The following YY1 variants were observed in gnomAD, a reference collection of about 807,000 sequenced individuals.
YY1 encodes the protein YY1 transcription factor.
YY1 carries 2 observed loss-of-function variants against 35.6 expected under a neutral mutation model. That is an observed-to-expected ratio of 0.06 (90% CI 0.02 to 0.18). The LOEUF (loss-of-function observed/expected upper bound fraction) is 0.18. Ranked by LOEUF, YY1 falls within the 10% of genes least tolerant of loss-of-function variation. The pLI is 1.00. For synonymous variants in YY1, 268 were observed against 238.9 expected (o/e 1.12, Z -1.12); for missense variants, 322 against 573.4 (o/e 0.56, Z 4.48).
chr14:100,282,019 G>C lies in YY1; in HGVS notation c.*4419G>C, dbSNP rs1252077982. On this transcript the variant is annotated 3_prime_UTR_variant, in exon 5 of 5. Transcript: ENST00000262238. ...TGACACGTTATCACCCAGTCCCCTT[G>C]TAAAATCTGGAATGGAGCGTTTAAG... The C allele has an allele frequency of 1.3e-5, 2 of 152,312 alleles. No individual in the cohort carries two copies. The highest frequency in any genetic ancestry group is 3.9e-4 in the East Asian group (2 of 5,180). 9.4% of individuals were successfully genotyped at this position (152,312 alleles called of 1,614,324 possible).
Position 100,239,613 on chromosome 14 carries a change from C to T in YY1, c.369C>T (p.Ala123=), listed in dbSNP as rs199795060. Residue 123 remains alanine, a synonymous_variant, in exon 1 of 5, where the codon GCC becomes GCT. Transcript: ENST00000262238. ...GCGACGACTCGGACGGGCTGCGCGC[C>T]GAGGACGGCTTCGAGGATCAGATTC... ...VGGDDSDGLR[A]EDGFEDQILI... 134 of 1,611,880 alleles carry T rather than the reference C, an allele frequency of 8.3e-5. No individual in the cohort carries two copies. Among genetic ancestry groups the T allele is most frequent in the Non-Finnish European group, 1.1e-4 (133 of 1,179,626 alleles).
Position 100,274,864 on chromosome 14 carries a change from A to C in YY1, c.903+106A>C, listed in dbSNP as rs1891297226. 2.7e-6 allele frequency: 3 copies of C among 1,117,702 alleles called. No individual in the cohort carries two copies. In the African/African-American group the frequency reaches 4.7e-5, roughly 17 times the overall value. 69.2% of individuals were successfully genotyped at this position (1,117,702 alleles called of 1,614,324 possible). The stretch of plus-strand genomic sequence containing the variant: ...CTGCTTGTGATAATTTAAATGAAGC[A>C]AGGAATTAGAATCTTCGGTTTCTAA... On this transcript the variant is annotated intron_variant, in intron 3 of 4. Coordinates refer to ENST00000262238, the MANE Select transcript of YY1 (RefSeq NM_003403.5).
chr14:100,246,084 G>C (rs892217944), intron 1 of YY1, among the ~76,000 whole-genome samples: 22 of 152,314 alleles, frequency 1.4e-4, no homozygotes, highest in African/African-American at 5.1e-4. Context: ...CTCTAAGGCT[G>C]TTGATATTTT....
intron 1 of YY1, among the ~76,000 whole-genome samples, chr14:100,256,393 T>C (rs1031642233): frequency 3.9e-5 from 6 of 152,202 alleles, no homozygotes; most frequent in African/African-American, 1.4e-4. Context: ...GAAACTCAGG[T>C]GGCATACTTG....
At chr14:100,257,252 T>C (rs990432411) in intron 1 of YY1, among the ~76,000 whole-genome samples, 4 of 152,230 alleles carry the variant, frequency 2.6e-5, no homozygotes, top group African/African-American at 9.6e-5. Flanking sequence ...CTCACTAGAC[T>C]GTAAGTTCCT....
chr14:100,259,320 A>G (rs1439933588), intron 1 of YY1, among the ~76,000 whole-genome samples: 2 of 152,166 alleles, frequency 1.3e-5, no homozygotes, highest in African/African-American at 4.8e-5. Flanking sequence ...AGAGATCGAG[A>G]CCATCCTGGC....
At position 100,276,928 on chromosome 14, in the gene YY1, T is replaced by C. The variant is rs973236999; in HGVS notation, c.1062+280T>C. The stretch of plus-strand genomic sequence containing the variant: ...CAGGATTGAAGAGCATACCTAAAAC[T>C]CAATTTCTACTTCATTCATTACAGG... On this transcript the variant is annotated intron_variant, in intron 4 of 4. Transcript: ENST00000262238. This position sits in a 1 kb window ranked among gnomAD's most constrained non-coding sequence, Gnocchi z 4.1. The C allele has an allele frequency of 2.0e-6, 1 of 497,382 alleles. No individual in the cohort carries two copies. Among genetic ancestry groups the C allele is most frequent in the Non-Finnish European group, 3.6e-6 (1 of 275,326 alleles). The allele number at this position is 497,382 out of a possible 1,614,324, so 30.8% of individuals were successfully genotyped here. A position where few individuals can be genotyped will look rare whatever the true frequency, so the allele number is the denominator to read the frequency against.
At position 100,280,210 on chromosome 14, in the gene YY1, A is replaced by T. The variant is rs1891394466; in HGVS notation, c.*2610A>T. ...CCCATTCTGCTTGTGGTTAGAATTTATAATTTTGCTAACGATGTAATTTAC... is the reference window on the plus strand; with the variant it reads ...CCCATTCTGCTTGTGGTTAGAATTTTTAATTTTGCTAACGATGTAATTTAC... On this transcript the variant is annotated 3_prime_UTR_variant, in exon 5 of 5. Coordinates refer to ENST00000262238, the MANE Select transcript of YY1 (RefSeq NM_003403.5). The T allele has an allele frequency of 6.6e-6, 1 of 152,362 alleles. No individual in the cohort carries two copies. Among genetic ancestry groups the T allele is most frequent in the South Asian group, 2.1e-4 (1 of 4,828 alleles). The allele number at this position is 152,362 out of a possible 1,614,324, so 9.4% of individuals were successfully genotyped here.
chr14:100,273,868 G>T (rs186019832), intron 2 of YY1, among the ~76,000 whole-genome samples: 4 of 152,284 alleles, frequency 2.6e-5, no homozygotes, highest in Admixed American at 2.6e-4. Context: ...GCTTGATTCA[G>T]TGGAGAAGCA....
At chr14:100,260,758 A>ACCGTG (rs1891073376) in intron 1 of YY1, among the ~76,000 whole-genome samples, 1 of 126,626 alleles carries the variant, frequency 7.9e-6, no homozygotes. Flanking sequence ...GGTGTGAGCC[A>ACCGTG]CCGTGCCTGG....
intron 1 of YY1, among the ~76,000 whole-genome samples, chr14:100,251,012 G>T (rs1334734745): frequency 2.0e-5 from 3 of 152,090 alleles, no homozygotes; most frequent in South Asian, 4.1e-4. Context: ...GAGAGAGAGA[G>T]AAATAATATA....
chr14:100,266,173 C>A (rs1290992205), intron 2 of YY1, among the ~76,000 whole-genome samples: 2 of 152,166 alleles, frequency 1.3e-5, no homozygotes, highest in South Asian at 4.2e-4. Context: ...GTTACCTCCC[C>A]CCGGGTCCCA....
At chr14:100,242,765 T>A (rs1444142992) in intron 1 of YY1, among the ~76,000 whole-genome samples, 1 of 151,746 alleles carries the variant, frequency 6.6e-6, no homozygotes, top group African/African-American at 2.4e-5. Context: ...TTTTTTTAAT[T>A]TGAGACAGAG....
chr14:100,257,687 G>T (rs1891023722), intron 1 of YY1, among the ~76,000 whole-genome samples: 1 of 152,182 alleles, frequency 6.6e-6, no homozygotes. Context: ...ACACCACCAT[G>T]CTGGCACCTT....
At chr14:100,249,062 A>G (rs573162583) in intron 1 of YY1, among the ~76,000 whole-genome samples, 1 of 149,110 alleles carries the variant, frequency 6.7e-6, no homozygotes, top group Admixed American at 6.7e-5. Flanking sequence ...CATTAAAACA[A>G]TATAAATGGT....
intron 2 of YY1, among the ~76,000 whole-genome samples, chr14:100,265,955 CTT>C (rs1231702334): frequency 3.3e-5 from 5 of 152,086 alleles, no homozygotes; most frequent in Non-Finnish European, 7.4e-5. Context: ...CCTTTTGAAA[CTT>C]TAAATTACAA....
chr14:100,258,882 C>G (rs927626998), intron 1 of YY1, among the ~76,000 whole-genome samples: 1 of 152,240 alleles, frequency 6.6e-6, no homozygotes, highest in African/African-American at 2.4e-5. Flanking sequence ...ATAATGACCA[C>G]TTGAATCAAA....
rs542654565 is a variant in YY1, at chr14:100,282,336, G to T, written c.*4736G>T. The T allele has an allele frequency of 6.6e-6, 1 of 151,996 alleles. No individual in the cohort carries two copies. Among genetic ancestry groups the T allele is most frequent in the Non-Finnish European group, 1.5e-5 (1 of 68,014 alleles). 9.4% of individuals were successfully genotyped at this position (151,996 alleles called of 1,614,324 possible). On this transcript the variant is annotated 3_prime_UTR_variant, in exon 5 of 5. Transcript: ENST00000262238. ...AGCACTGGGATGTGTTGAGGAGGGG[G>T]CAGTTTGCTGTGCTCTGTTCTGTCT...
intron 1 of YY1, among the ~76,000 whole-genome samples, chr14:100,259,164 T>C (rs1891045067): frequency 6.6e-6 from 1 of 152,160 alleles, no homozygotes; most frequent in Non-Finnish European, 1.5e-5. Flanking sequence ...AATTTCGGAG[T>C]ACCTATTTCT....
Sources: gnomAD v4.1 joint callset for allele counts (sites outside exome capture counted in the v4.1 genomes callset) on GRCh38, gnomAD v4.1.1 for gene constraint, Gnocchi (gnomAD v3.1) non-coding constraint, MANE v1.5 for transcripts, NCBI Gene and HGNC (gene_info 2026-07-23, HGNC 2026-07-21) for gene names.